PDE1C: variants seen among roughly 807,000 people sequenced by gnomAD.
PDE1C encodes phosphodiesterase 1C, also known as dual specificity calcium/calmodulin-dependent 3',5'-cyclic nucleotide phosphodiesterase 1C.
PDE1C carries 62 observed loss-of-function variants against 93.1 expected under a neutral mutation model. The ratio of observed to expected loss-of-function variants is 0.67; its 90% CI spans 0.54 to 0.82. PDE1C has a LOEUF of 0.82. Among genes scored for constraint, PDE1C ranks in the 40% least tolerant of loss-of-function variants. The pLI is 0.00. For missense variants in PDE1C, 742 were observed against 884.6 expected (o/e 0.84, Z 2.04); for synonymous variants, 325 against 310.1 (o/e 1.05, Z -0.50).
chr7:31,919,735 C>T (rs1323236349), intron 2 of PDE1C, among the ~76,000 whole-genome samples: 1 of 152,172 alleles, frequency 6.6e-6, no homozygotes, highest in East Asian at 1.9e-4. Context: ...TCAGCTGCAC[C>T]AGGCTTTACC....
chr7:32,282,168 A>AAG (rs1554300136), intron 1 of PDE1C, among the ~76,000 whole-genome samples: 1 of 151,750 alleles, frequency 6.6e-6, no homozygotes, highest in Non-Finnish European at 1.5e-5. Flanking sequence ...AAAAAAAAAA[A>AAG]AAAGAAAGAA....
intron 1 of PDE1C, among the ~76,000 whole-genome samples, chr7:32,220,862 T>A (rs748829709): frequency 4.6e-5 from 7 of 152,024 alleles, no homozygotes; most frequent in Non-Finnish European, 8.8e-5. Flanking sequence ...CAATTCCACA[T>A]ATCATGCATG....
intron 1 of PDE1C, among the ~76,000 whole-genome samples, chr7:32,370,606 G>T (rs215711): frequency 0.82 from 120,815 of 148,224 alleles, 50,699 homozygotes; most frequent in East Asian, 1. Flanking sequence ...TTGGACACAG[G>T]GTGGAGAACA....
intron 1 of PDE1C, among the ~76,000 whole-genome samples, chr7:32,310,215 T>C (rs1338038831): frequency 6.6e-6 from 1 of 151,794 alleles, no homozygotes; most frequent in Non-Finnish European, 1.5e-5. Context: ...CCTAAATATA[T>C]ATGCACCCAA....
intron 2 of PDE1C, among the ~76,000 whole-genome samples, chr7:32,180,965 T>C (rs1387535346): frequency 6.6e-6 from 1 of 152,112 alleles, no homozygotes; most frequent in East Asian, 1.9e-4. Flanking sequence ...CAGAAAATAA[T>C]AGCTGGAAGT....
chr7:31,920,975 T>G (rs992253610), intron 2 of PDE1C, among the ~76,000 whole-genome samples: 4 of 152,086 alleles, frequency 2.6e-5, no homozygotes, highest in African/African-American at 9.6e-5. Flanking sequence ...CATGACTGAG[T>G]TTTCAGTAGA....
chr7:32,087,629 A>C (rs1169449423), intron 3 of PDE1C, among the ~76,000 whole-genome samples: 1 of 152,244 alleles, frequency 6.6e-6, no homozygotes, highest in Non-Finnish European at 1.5e-5. Context: ...AGACTGGATT[A>C]AGAAAATGTG....
intron 2 of PDE1C, among the ~76,000 whole-genome samples, chr7:31,958,149 G>A (rs1293956269): frequency 4.6e-5 from 7 of 152,140 alleles, no homozygotes; most frequent in Admixed American, 6.5e-5. Context: ...TTTCATTCAT[G>A]CTAGTGCCAA....
At chr7:32,054,452 A>G (rs2128694601) in intron 1 of PDE1C, among the ~76,000 whole-genome samples, 1 of 152,290 alleles carries the variant, frequency 6.6e-6, no homozygotes, top group African/African-American at 2.4e-5. Context: ...AGGCATTCTA[A>G]GATTTTTAGG....
At chr7:31,980,020 T>C (rs1812174479) in intron 2 of PDE1C, among the ~76,000 whole-genome samples, 1 of 152,202 alleles carries the variant, frequency 6.6e-6, no homozygotes, top group Admixed American at 6.5e-5. Context: ...AAAGGGCTCC[T>C]TTAGCATAAA....
chr7:32,198,966 TACA>T (rs1428750615), intron 2 of PDE1C, among the ~76,000 whole-genome samples: 6 of 150,902 alleles, frequency 4.0e-5, no homozygotes, highest in Admixed American at 2.0e-4. Context: ...AAAAAAAAAA[TACA>T]ACAATTCGCC....
chr7:31,705,623 A>G, the PDE1C span, among the ~76,000 whole-genome samples: 1 of 152,246 alleles, frequency 6.6e-6, no homozygotes, highest in Admixed American at 6.5e-5. Flanking sequence ...TAAGATCAAC[A>G]CATAGTTTTC....
chr7:32,117,889 T>G (rs893776421), intron 3 of PDE1C, among the ~76,000 whole-genome samples: 1 of 152,196 alleles, frequency 6.6e-6, no homozygotes, highest in African/African-American at 2.4e-5. Context: ...CCAAAAGAAT[T>G]CAGGCTTCTT....
chr7:31,987,485 A>C (rs1035443339), intron 2 of PDE1C, among the ~76,000 whole-genome samples: 1 of 152,178 alleles, frequency 6.6e-6, no homozygotes, highest in Admixed American at 6.5e-5. Context: ...ACCACCCACA[A>C]GCCTAAAGAG....
intron 1 of PDE1C, among the ~76,000 whole-genome samples, chr7:32,228,631 T>G (rs1452349854): frequency 1.3e-5 from 2 of 152,102 alleles, no homozygotes; most frequent in Non-Finnish European, 2.9e-5. Flanking sequence ...CTCAGAAAAC[T>G]TCCAATCCCC....
At chr7:31,928,525 G>A (rs1227705542) in intron 2 of PDE1C, among the ~76,000 whole-genome samples, 4 of 152,142 alleles carry the variant, frequency 2.6e-5, no homozygotes, top group Admixed American at 2.0e-4. Context: ...GTTAAGGGCA[G>A]CCAGACAGAA....
At chr7:32,034,778 T>C (rs7778982) in intron 2 of PDE1C, among the ~76,000 whole-genome samples, 6,450 of 152,174 alleles carry the variant, frequency 0.042, 161 homozygotes, top group Middle Eastern at 0.089. Flanking sequence ...TTGACCTCAA[T>C]TGAACCAAGC....
the PDE1C span, among the ~76,000 whole-genome samples, chr7:31,684,216 T>G: frequency 1.3e-5 from 2 of 152,064 alleles, no homozygotes; most frequent in Non-Finnish European, 2.9e-5. Context: ...AACTTGGGAG[T>G]AGTAGACATG....
chr7:32,080,709 G>T (rs28671431), intron 3 of PDE1C, among the ~76,000 whole-genome samples: 39,390 of 152,076 alleles, frequency 0.26, 5,800 homozygotes, highest in Middle Eastern at 0.35. Flanking sequence ...ATTGTCCTTG[G>T]GGACATCTAA....
Sources: gnomAD v4.1 joint callset for allele counts (sites outside exome capture counted in the v4.1 genomes callset) on GRCh38, gnomAD v4.1.1 for gene constraint, MANE v1.5 for transcripts, NCBI Gene and HGNC (gene_info 2026-07-23, HGNC 2026-07-21) for gene names.